ATP6V1A: variants seen among roughly 807,000 people sequenced by gnomAD.
ATP6V1A encodes ATPase H+ transporting V1 subunit A.
Under a neutral mutation model 70.1 loss-of-function variants are expected in ATP6V1A, and 18 were observed. The ratio of observed to expected loss-of-function variants is 0.26; its 90% CI spans 0.18 to 0.38. The LOEUF (loss-of-function observed/expected upper bound fraction) is 0.38, where lower values mean the gene tolerates loss of function less well. Ranked by LOEUF, ATP6V1A falls within the 10% of genes least tolerant of loss-of-function variation. The pLI, the probability that ATP6V1A is intolerant of heterozygous loss-of-function variation, is 1.00. For missense variants in ATP6V1A, 424 were observed against 772.4 expected, an observed-to-expected ratio of 0.55 and a Z score of 5.35; for synonymous variants, 232 against 253.8, an observed-to-expected ratio of 0.91 and a Z score of 0.82.
chr3:113,754,021 T>C (rs1318980056), intron 1 of ATP6V1A, among the ~76,000 whole-genome samples: 1 of 152,178 alleles, frequency 6.6e-6, no homozygotes, highest in Non-Finnish European at 1.5e-5. Flanking sequence ...TATTTTTACC[T>C]GGTTGTCACC....
intron 1 of ATP6V1A, among the ~76,000 whole-genome samples, chr3:113,762,162 A>G (rs1170459245): frequency 2.2e-5 from 3 of 139,286 alleles, no homozygotes; most frequent in African/African-American, 5.3e-5. Flanking sequence ...CAAAAAAAAA[A>G]AAGTTTCTAA....
chr3:113,803,432 A>G (rs898968495), intron 12 of ATP6V1A, 151 bp from the exon 13 acceptor site: 1 of 634,014 alleles, frequency 1.6e-6, no homozygotes, highest in African/African-American at 1.8e-5. Context: ...CCACAGTTTA[A>G]AAAGAACATC....
At chr3:113,805,561 G>T (rs372718923) in intron 14 of ATP6V1A, 36 bp downstream of exon 14, 2 of 1,557,082 alleles carry the variant, frequency 1.3e-6, no homozygotes, top group African/African-American at 2.8e-5. Context: ...TTTTTATTTG[G>T]AAATGCTTCT....
At chr3:113,767,659 C>CT (rs545483368) in intron 1 of ATP6V1A, among the ~76,000 whole-genome samples, 21 of 145,454 alleles carry the variant, frequency 1.4e-4, no homozygotes, top group Non-Finnish European at 1.5e-4. Flanking sequence ...AAGGAATCTA[C>CT]TTTTTTTTTT....
Position 113,786,272 on chromosome 3 carries a change from A to G in ATP6V1A, c.605A>G (p.Lys202Arg), listed in dbSNP as rs1161763483. Residue 202 changes from lysine to arginine, a missense_variant, in exon 6 of 15, where the codon AAG (lysine) becomes AGG (arginine). Around this residue, in one of 9 missense-constraint regions of ATP6V1A, gnomAD observed 139 missense variants for 163.5 expected, o/e 0.85. Transcript: ENST00000273398. ...LELEFEGVKE[K>R]FTMVQVWPVR... is the part of the protein sequence containing the mutation. ...CTTGAATTTGAAGGTGTAAAGGAGA[A>G]GTTCACCATGGTGCAAGTATGGCCT... The G allele has an allele frequency of 6.2e-7, 1 of 1,610,856 alleles. No homozygotes were observed. The highest frequency in any genetic ancestry group is 2.2e-5 in the East Asian group (1 of 44,722).
chr3:113,749,410 TTAAA>T (rs1198503423), intron 1 of ATP6V1A, among the ~76,000 whole-genome samples: 3 of 152,178 alleles, frequency 2.0e-5, no homozygotes, highest in Non-Finnish European at 4.4e-5. Flanking sequence ...TAGTCCACTA[TTAAA>T]TAAAGCATAA....
intron 1 of ATP6V1A, among the ~76,000 whole-genome samples, chr3:113,770,174 A>C (rs1171722836): frequency 6.6e-6 from 1 of 151,844 alleles, no homozygotes; most frequent in Non-Finnish European, 1.5e-5. Context: ...CCAGCCTCCC[A>C]AGTAGCTGGG....
At position 113,784,367 on chromosome 3, in the gene ATP6V1A, C is replaced by T. The variant is rs1278148649; in HGVS notation, c.355C>T (p.Pro119Ser). ...CAGTCAGACCCAAAGCATCTACATC[C>T]CCAGAGGAGTAAACGTGTCTGCTCT... is the stretch of plus-strand genomic sequence containing the variant. ...ISSQTQSIYI[P>S]RGVNVSALSR... Residue 119 changes from proline (P) to serine (S), a missense_variant, in exon 4 of 15, where the codon CCC becomes TCC. Pro to Ser is a moderately conservative substitution (Grantham distance 74, BLOSUM62 -1). Transcript: ENST00000273398. 2 of 1,614,108 alleles carry T rather than the reference C, an allele frequency of 1.2e-6. No homozygotes were observed. The highest frequency in any genetic ancestry group is 2.2e-5 in the East Asian group (1 of 44,878).
At chr3:113,804,554 G>GC (rs1709254117) in intron 13 of ATP6V1A, among the ~76,000 whole-genome samples, 1 of 151,790 alleles carries the variant, frequency 6.6e-6, no homozygotes, top group African/African-American at 2.4e-5. Context: ...ATCATATTTG[G>GC]CCCCATATAA....
At chr3:113,796,957 C>T (rs954958868) in intron 11 of ATP6V1A, among the ~76,000 whole-genome samples, 1 of 152,150 alleles carries the variant, frequency 6.6e-6, no homozygotes, top group Admixed American at 6.6e-5. Context: ...TGTTTTGATA[C>T]GGAGTTTCAC....
At chr3:113,759,321 G>T (rs773231921) in intron 1 of ATP6V1A, among the ~76,000 whole-genome samples, 5 of 122,728 alleles carry the variant, frequency 4.1e-5, no homozygotes, top group Admixed American at 8.3e-5. Context: ...TGTATACGTT[G>T]GTTCTACCAC....
intron 8 of ATP6V1A, among the ~76,000 whole-genome samples, chr3:113,794,074 T>C (rs541329099): frequency 4.6e-5 from 7 of 152,298 alleles, no homozygotes; most frequent in South Asian, 2.1e-4. Flanking sequence ...AATGACAGAA[T>C]AGGAACTAGA....
chr3:113,799,570 C>G (rs1490710622), intron 12 of ATP6V1A, among the ~76,000 whole-genome samples: 1 of 151,968 alleles, frequency 6.6e-6, no homozygotes, highest in Non-Finnish European at 1.5e-5. Context: ...GAGATCATAA[C>G]CAATGATGTA....
Position 113,795,865 on chromosome 3 carries a change from T to C in ATP6V1A, c.1227-11T>C, listed in dbSNP as rs780039870. ...TTTTTTTTGTAATGACCATATTTTT[T>C]TTAAATTTAGAGTTTCTCCACCTGG... On this transcript the variant is annotated splice_polypyrimidine_tract_variant and intron_variant, in intron 10 of 14. Coordinates refer to ENST00000273398, the MANE Select transcript of ATP6V1A (RefSeq NM_001690.4). The C allele has an allele frequency of 6.5e-5, 104 of 1,602,656 alleles. No homozygotes were observed. The highest frequency in any genetic ancestry group is 8.6e-5 in the Non-Finnish European group (101 of 1,176,026).
In ATP6V1A at chr3:113,784,287, C is replaced by T; in HGVS notation, c.275C>T (p.Pro92Leu). The T allele has an allele frequency of 6.2e-7, 1 of 1,614,176 alleles. No individual in the cohort carries two copies. The highest frequency in any genetic ancestry group is 8.5e-7 in the Non-Finnish European group (1 of 1,180,024). ...TGKPLSVELG[P>L]GIMGAIFDGI... ...AAACCCCTCTCTGTAGAGCTTGGTC[C>T]TGGCATTATGGGAGCCATTTTTGAT... Residue 92 changes from proline to leucine, a missense_variant, in exon 4 of 15, where the codon CCT (proline) becomes CTT (leucine). Around this residue, in one of 9 missense-constraint regions of ATP6V1A, gnomAD observed 139 missense variants for 163.5 expected, o/e 0.85. Transcript: ENST00000273398.
At position 113,784,510 on chromosome 3, in the gene ATP6V1A, G is replaced by A; in HGVS notation, c.426+72G>A. 2.8e-6 allele frequency: 4 copies of A among 1,444,062 alleles called. No homozygotes were observed. The Admixed American group carries it at 7.9e-5, about 29-fold the overall frequency. The allele number at this position is 1,444,062 out of a possible 1,614,324, so 89.5% of individuals were successfully genotyped here. Reference sequence around the variant, plus strand: ...AAATGAATGTTTAGTAAACTACATTGTACTCTTAGTCCAAATAAAAATAGA... The same window carrying A: ...AAATGAATGTTTAGTAAACTACATTATACTCTTAGTCCAAATAAAAATAGA... On this transcript the variant is annotated intron_variant, in intron 4 of 14. Transcript: ENST00000273398.
chr3:113,786,862 T>C (rs895992818), intron 6 of ATP6V1A, among the ~76,000 whole-genome samples: 1 of 151,958 alleles, frequency 6.6e-6, no homozygotes, highest in Non-Finnish European at 1.5e-5. Flanking sequence ...CTGCAACCTC[T>C]GCCTCCCAGC....
intron 6 of ATP6V1A, among the ~76,000 whole-genome samples, chr3:113,786,586 G>C (rs921153518): frequency 6.6e-6 from 1 of 151,796 alleles, no homozygotes; most frequent in Non-Finnish European, 1.5e-5. Context: ...TTTCATGGTT[G>C]CCCCCAGAAA....
chr3:113,775,996 C>G (rs901956832), intron 1 of ATP6V1A, among the ~76,000 whole-genome samples: 9 of 152,138 alleles, frequency 5.9e-5, no homozygotes, highest in African/African-American at 2.2e-4. Context: ...TCTTTAGATT[C>G]CAATGTTTTA....
Sources: gnomAD v4.1 joint callset for allele counts (sites outside exome capture counted in the v4.1 genomes callset) on GRCh38, gnomAD v4.1.1 for gene constraint, gnomAD v4.1.1 regional missense constraint, MANE v1.5 for transcripts, NCBI Gene and HGNC (gene_info 2026-07-23, HGNC 2026-07-21) for gene names.